THOC5: variants seen among roughly 807,000 people sequenced by gnomAD.
THOC5 encodes Fms-interacting protein.
Under a neutral mutation model 92.9 loss-of-function variants are expected in THOC5, and 43 were observed. That is an observed-to-expected ratio of 0.46 (90% CI 0.36 to 0.60). The LOEUF (loss-of-function observed/expected upper bound fraction) is 0.60. Among genes scored for constraint, THOC5 ranks in the 20% least tolerant of loss-of-function variants. The probability of loss-of-function intolerance (pLI) is 0.00; values close to 1 mark genes in which losing one functional copy is unlikely to be tolerated. For missense variants in THOC5, 659 were observed against 849.4 expected (o/e 0.78, Z 2.79); for synonymous variants, 296 against 320.1 (o/e 0.92, Z 0.80).
intron 8 of THOC5, chr22:29,531,028 C>T: frequency 9.6e-7 from 1 of 1,036,432 alleles, no homozygotes; most frequent in Non-Finnish European, 1.2e-6. Flanking sequence ...ACAAGAACAT[C>T]AGAATGGAAC....
chr22:29,553,173 T>A (rs1482892412), intron 1 of THOC5, among the ~76,000 whole-genome samples: 1 of 152,182 alleles, frequency 6.6e-6, no homozygotes, highest in African/African-American at 2.4e-5. Context: ...TGACCTTCCC[T>A]CCACTATTGT....
chr22:29,514,375 G>A (rs2063290957), intron 17 of THOC5, among the ~76,000 whole-genome samples: 1 of 146,262 alleles, frequency 6.8e-6, no homozygotes, highest in African/African-American at 2.5e-5. Context: ...GGAGTGCAGT[G>A]GCGCCATCTC....
intron 2 of THOC5, among the ~76,000 whole-genome samples, chr22:29,545,906 G>A (rs1210868379): frequency 2.0e-5 from 3 of 152,234 alleles, no homozygotes; most frequent in Admixed American, 6.5e-5. Context: ...GGACTGTGTG[G>A]GGGCTCTGAC....
intron 12 of THOC5, among the ~76,000 whole-genome samples, chr22:29,525,180 G>A (rs1435268037): frequency 1.3e-5 from 2 of 152,188 alleles, no homozygotes; most frequent in African/African-American, 2.4e-5. Flanking sequence ...GGAGGCTGAG[G>A]TAGGAGGATC....
chr22:29,528,329 A>G (rs2063584499), intron 10 of THOC5, 97 bp downstream of exon 10: 1 of 1,613,710 alleles, frequency 6.2e-7, no homozygotes, highest in African/African-American at 1.3e-5. Flanking sequence ...ACCTTCTTTC[A>G]CACCTCTTCT....
In THOC5 at chr22:29,529,219, T is replaced by C. The variant is rs766234153; in HGVS notation, c.868A>G (p.Ile290Val). ...QACDKTLSVA[I>V]EGSVDEAKAL... ...TTGGCTTCATCCACACTGCCTTCGA[T>C]TGCCACAGATAACGTCTTATCTGGG... Residue 290 changes from isoleucine (I) to valine (V), a missense_variant, in exon 9 of 20, where the codon ATC becomes GTC. Coordinates refer to ENST00000490103, the MANE Select transcript of THOC5 (RefSeq NM_003678.5). 5 of 1,614,068 alleles carry C rather than the reference T, an allele frequency of 3.1e-6. No homozygotes were observed. Among genetic ancestry groups the C allele is most frequent in the Non-Finnish European group, 4.2e-6 (5 of 1,180,048 alleles).
At chr22:29,542,826 A>G in intron 5 of THOC5, 33 bp downstream of exon 5, 1 of 1,473,552 alleles carries the variant, frequency 6.8e-7, no homozygotes, top group Non-Finnish European at 9.5e-7. Context: ...CCGAAAGACC[A>G]CATGTGCCAA....
intron 3 of THOC5, 64 bp downstream of exon 3, chr22:29,544,396 G>C: frequency 6.4e-7 from 1 of 1,551,196 alleles, no homozygotes; most frequent in South Asian, 1.2e-5. Context: ...GCCCTGGTAG[G>C]TGCAAAAACA....
intron 2 of THOC5, among the ~76,000 whole-genome samples, chr22:29,547,123 C>T (rs1475073116): frequency 6.6e-6 from 1 of 152,150 alleles, no homozygotes; most frequent in Non-Finnish European, 1.5e-5. Flanking sequence ...GGATTATAGG[C>T]GTGAGCCACT....
chr22:29,549,976 T>C (rs1375527598), intron 1 of THOC5, among the ~76,000 whole-genome samples: 1 of 152,164 alleles, frequency 6.6e-6, no homozygotes, highest in African/African-American at 2.4e-5. Flanking sequence ...TTTATCTCTA[T>C]GAATCATTTA....
At chr22:29,512,223 A>T (rs1285386929) in intron 17 of THOC5, 87 bp from the exon 18 acceptor site, 1 of 943,448 alleles carries the variant, frequency 1.1e-6, no homozygotes, top group African/African-American at 1.6e-5. Context: ...CCCTGAGGCT[A>T]GCTCAGATGT....
At chr22:29,552,564 CG>C (rs1181806280) in intron 1 of THOC5, among the ~76,000 whole-genome samples, 3 of 149,226 alleles carry the variant, frequency 2.0e-5, no homozygotes, top group African/African-American at 7.4e-5. Flanking sequence ...CCGCCCCGTC[CG>C]GGGGGGAGGT....
chr22:29,512,421 T>A (rs1036600491), intron 17 of THOC5, among the ~76,000 whole-genome samples: 1 of 152,224 alleles, frequency 6.6e-6, no homozygotes, highest in Non-Finnish European at 1.5e-5. Flanking sequence ...CTCCATGAGT[T>A]CTATTTGCTA....
intron 19 of THOC5, among the ~76,000 whole-genome samples, chr22:29,510,818 C>T (rs545651528): frequency 6.6e-5 from 10 of 152,250 alleles, no homozygotes; most frequent in East Asian, 1.9e-4. Context: ...TGGGGACAGG[C>T]GAGGATGCAC....
intron 12 of THOC5, among the ~76,000 whole-genome samples, chr22:29,523,146 G>A (rs1601405175): frequency 6.6e-6 from 1 of 152,008 alleles, no homozygotes; most frequent in African/African-American, 2.4e-5. Flanking sequence ...AGAGGCTGAG[G>A]CAGGAGAATC....
intron 4 of THOC5, among the ~76,000 whole-genome samples, 167 bp downstream of exon 4, chr22:29,543,262 C>T (rs189877887): frequency 1.1e-3 from 163 of 143,268 alleles, no homozygotes; most frequent in African/African-American, 4.0e-3. Flanking sequence ...GCAGGAGAAT[C>T]GCTTGAAGCT....
chr22:29,530,316 C>A (rs137915561), intron 8 of THOC5, among the ~76,000 whole-genome samples: 1 of 147,988 alleles, frequency 6.8e-6, no homozygotes, highest in Admixed American at 6.7e-5. Context: ...ATCAGGAGTT[C>A]GAGACCAGCC....
At chr22:29,539,584 G>C (rs1283955551) in intron 5 of THOC5, 108 bp from the exon 6 acceptor site, 7 of 1,237,510 alleles carry the variant, frequency 5.7e-6, no homozygotes, top group Non-Finnish European at 7.8e-6. Flanking sequence ...CTGGTCTACA[G>C]GATCCTGGAA....
At chr22:29,525,445 C>CA (rs1326210066) in intron 12 of THOC5, among the ~76,000 whole-genome samples, 1 of 151,980 alleles carries the variant, frequency 6.6e-6, no homozygotes, top group Non-Finnish European at 1.5e-5. Flanking sequence ...AGCTGGGGAG[C>CA]AAAAATCCCA....
Sources: gnomAD v4.1 joint callset for allele counts (sites outside exome capture counted in the v4.1 genomes callset) on GRCh38, gnomAD v4.1.1 for gene constraint, MANE v1.5 for transcripts, NCBI Gene and HGNC (gene_info 2026-07-23, HGNC 2026-07-21) for gene names.